The following SKIC3 variants were observed in gnomAD, a reference collection of about 807,000 sequenced individuals.
SKIC3 encodes the protein superkiller complex protein 3.
the SKIC3 span, chr5:95,541,221 C>T: frequency 3.8e-6 from 5 of 1,303,644 alleles, no homozygotes; most frequent in Non-Finnish European, 5.5e-6. Flanking sequence ...CTGCCTCAGC[C>T]TCCCAAAGTG....
chr5:95,470,578 G>C, the SKIC3 span, among the ~76,000 whole-genome samples: 1 of 152,012 alleles, frequency 6.6e-6, no homozygotes, highest in Non-Finnish European at 1.5e-5. Context: ...GATAAATATA[G>C]AGTTCTACAT....
At chr5:95,488,620 C>G in the SKIC3 span, among the ~76,000 whole-genome samples, 1 of 152,062 alleles carries the variant, frequency 6.6e-6, no homozygotes, top group Non-Finnish European at 1.5e-5. Flanking sequence ...AAAGTTTTCC[C>G]AGACAAGTAA....
the SKIC3 span, chr5:95,540,581 C>T: frequency 7.1e-7 from 1 of 1,405,432 alleles, no homozygotes; most frequent in African/African-American, 1.4e-5. Flanking sequence ...TTCAACATTA[C>T]TATGGAAATG....
chr5:95,487,745 T>C, the SKIC3 span, among the ~76,000 whole-genome samples: 2 of 152,100 alleles, frequency 1.3e-5, no homozygotes, highest in Admixed American at 1.3e-4. Flanking sequence ...TAGATATGCA[T>C]ATATCAATGT....
chr5:95,543,392 A>C, the SKIC3 span: 1 of 1,554,680 alleles, frequency 6.4e-7, no homozygotes, highest in Admixed American at 1.7e-5. Flanking sequence ...TAACAATAAC[A>C]GAAAGTCTAG....
chr5:95,501,632 C>A, the SKIC3 span, among the ~76,000 whole-genome samples: 1 of 151,624 alleles, frequency 6.6e-6, no homozygotes, highest in African/African-American at 2.4e-5. Flanking sequence ...AGGCTTGGAT[C>A]CAACAACATA....
the SKIC3 span, chr5:95,529,200 C>G: frequency 1.1e-6 from 1 of 947,146 alleles, no homozygotes; most frequent in East Asian, 2.6e-5. Flanking sequence ...CTCCCCTCTT[C>G]ATCTCTCATA....
chr5:95,488,545 GAA>G, the SKIC3 span, among the ~76,000 whole-genome samples: 2 of 152,162 alleles, frequency 1.3e-5, no homozygotes, highest in East Asian at 3.9e-4. Context: ...CTGCTGAAAA[GAA>G]AAAAACTGTC....
chr5:95,482,510 G>A, the SKIC3 span: 1 of 1,613,988 alleles, frequency 6.2e-7, no homozygotes, highest in Non-Finnish European at 8.5e-7. Flanking sequence ...GGACATGACT[G>A]TTTTTTGTAG....
At chr5:95,475,609 G>A in the SKIC3 span, among the ~76,000 whole-genome samples, 1 of 152,082 alleles carries the variant, frequency 6.6e-6, no homozygotes, top group African/African-American at 2.4e-5. Context: ...CCTATCTCAG[G>A]TATTTCTTTA....
chr5:95,528,861 A>C, the SKIC3 span: 145,463 of 735,024 alleles, frequency 0.2, 19,065 homozygotes, highest in African/African-American at 0.54. Flanking sequence ...TTTTATTTAA[A>C]CTTATTGAAA....
chr5:95,524,625 A>G, the SKIC3 span: 7,615 of 1,611,280 alleles, frequency 4.7e-3, 47 homozygotes, highest in Middle Eastern at 8.4e-3. Context: ...AAGAAATAGT[A>G]AAACAAATAC....
At chr5:95,494,993 C>A in the SKIC3 span, 1 of 1,613,732 alleles carries the variant, frequency 6.2e-7, no homozygotes, top group South Asian at 1.1e-5. Flanking sequence ...AGAATATGAG[C>A]CACATTTCCT....
chr5:95,505,685 C>T, the SKIC3 span, among the ~76,000 whole-genome samples: 2 of 151,824 alleles, frequency 1.3e-5, no homozygotes, highest in Non-Finnish European at 2.9e-5. Context: ...TGGTGGTGGG[C>T]ACCTGTAATT....
chr5:95,511,381 C>G, the SKIC3 span, among the ~76,000 whole-genome samples: 1 of 152,208 alleles, frequency 6.6e-6, no homozygotes, highest in Non-Finnish European at 1.5e-5. Context: ...CCACTGCACT[C>G]TAGCCTGGGT....
At chr5:95,545,530 C>T in the SKIC3 span, among the ~76,000 whole-genome samples, 6 of 152,158 alleles carry the variant, frequency 3.9e-5, no homozygotes, top group Non-Finnish European at 8.8e-5. Context: ...CTTTTAACCA[C>T]ACCAAGTTCT....
At chr5:95,490,928 A>G in the SKIC3 span, 2 of 1,614,198 alleles carry the variant, frequency 1.2e-6, no homozygotes, top group Admixed American at 1.7e-5. Flanking sequence ...AACAGCAGAT[A>G]ACAGTGCCAA....
chr5:95,520,918 C>A, the SKIC3 span: 1 of 877,646 alleles, frequency 1.1e-6, no homozygotes, highest in East Asian at 2.6e-5. Context: ...AAGCACTTTC[C>A]AGAAAATAAA....
At chr5:95,474,150 T>C in the SKIC3 span, among the ~76,000 whole-genome samples, 2 of 152,222 alleles carry the variant, frequency 1.3e-5, no homozygotes, top group South Asian at 2.1e-4. Flanking sequence ...CCCAATGCAA[T>C]TTATTGAATA....
Sources: gnomAD v4.1 joint callset for allele counts (sites outside exome capture counted in the v4.1 genomes callset) on GRCh38, gnomAD v4.1.1 for gene constraint, MANE v1.5 for transcripts, NCBI Gene and HGNC (gene_info 2026-07-23, HGNC 2026-07-21) for gene names.